Variants in BACH1 observed in about 807,000 individuals in gnomAD.
The protein encoded by BACH1 is transcription regulator protein BACH1.
Under a neutral mutation model 52.9 loss-of-function variants are expected in BACH1, and 35 were observed. The ratio of observed to expected loss-of-function variants is 0.66; its 90% CI spans 0.51 to 0.88. BACH1 has a LOEUF of 0.88. Ranked by LOEUF, BACH1 falls within the 40% of genes least tolerant of loss-of-function variation. The pLI is 0.00. For synonymous variants in BACH1, 321 were observed against 319.6 expected (o/e 1.00, Z -0.05); for missense variants, 808 against 872.6 (o/e 0.93, Z 0.93).
chr21:29,311,706 A>G (rs2088725437), intron 1 of BACH1, among the ~76,000 whole-genome samples: 1 of 152,146 alleles, frequency 6.6e-6, no homozygotes, highest in African/African-American at 2.4e-5. Context: ...CTGCAACTCC[A>G]GCTCTAAACA....
chr21:29,342,502 A>C lies in BACH1; in HGVS notation c.1880A>C (p.Glu627Ala). Reference sequence around the variant, plus strand: ...GGACTTTGCCAGAAAGTTTGTAAAGAAGCAGCTCTGAGTCAAGAACAAATA... The same window carrying C: ...GGACTTTGCCAGAAAGTTTGTAAAGCAGCAGCTCTGAGTCAAGAACAAATA... ...LTGLCQKVCKEAALSQEQIQI... is the reference protein window; with the variant it reads ...LTGLCQKVCKAAALSQEQIQI... Residue 627 changes from glutamate to alanine, a missense_variant, in exon 5 of 5, where the codon GAA becomes GCA. Physicochemically the swap from Glu to Ala is moderately radical, Grantham distance 107. Transcript: ENST00000286800. 1 of 1,614,240 alleles carries C rather than the reference A, an allele frequency of 6.2e-7. No individual in the cohort carries two copies. Among genetic ancestry groups the C allele is most frequent in the Non-Finnish European group, 8.5e-7 (1 of 1,180,040 alleles).
At chr21:29,336,887 GT>G (rs780079388) in intron 4 of BACH1, among the ~76,000 whole-genome samples, 1 of 152,038 alleles carries the variant, frequency 6.6e-6, no homozygotes, top group Non-Finnish European at 1.5e-5. Context: ...GGCCAGCCTG[GT>G]CTCGAACACC....
chr21:29,352,350 G>A (rs534342825), intron 2 of BACH1, among the ~76,000 whole-genome samples: 110 of 152,214 alleles, frequency 7.2e-4, no homozygotes, highest in African/African-American at 2.6e-3. Context: ...CACTGCTCCC[G>A]GCCTAGACCT....
intron 1 of BACH1, among the ~76,000 whole-genome samples, chr21:29,308,888 G>C (rs2088688369): frequency 6.6e-6 from 1 of 152,250 alleles, no homozygotes; most frequent in East Asian, 1.9e-4. Context: ...GATTTAAGTT[G>C]AGCACAGTTT....
chr21:29,348,643 C>G (rs2089184792), downstream of BACH1, among the ~76,000 whole-genome samples: 1 of 152,272 alleles, frequency 6.6e-6, no homozygotes, highest in Middle Eastern at 3.4e-3. Context: ...TACATTTCCC[C>G]TTCCAACAAG....
At chr21:29,338,020 C>A (rs530441214) in intron 4 of BACH1, among the ~76,000 whole-genome samples, 44 of 152,188 alleles carry the variant, frequency 2.9e-4, no homozygotes, top group Non-Finnish European at 5.4e-4. Context: ...ATGTAACAAA[C>A]CTGCACGTTG....
chr21:29,324,212 A>ACAG (rs1292860930), intron 2 of BACH1, among the ~76,000 whole-genome samples: 1 of 148,490 alleles, frequency 6.7e-6, no homozygotes, highest in Non-Finnish European at 1.5e-5. Flanking sequence ...AGCCTGGGTG[A>ACAG]CAGAGAGAGA....
At chr21:29,304,118 G>GT (rs566871344) in intron 1 of BACH1, among the ~76,000 whole-genome samples, 48 of 146,162 alleles carry the variant, frequency 3.3e-4, no homozygotes, top group Middle Eastern at 3.5e-3. Flanking sequence ...GTTATTCCCA[G>GT]TTTTTTTTTT....
rs2123477260 is a variant in BACH1, at chr21:29,342,923, A to G, written c.*90A>G. 1.5e-6 allele frequency: 2 copies of G among 1,293,758 alleles called. No homozygotes were observed. Among genetic ancestry groups the G allele is most frequent in the East Asian group, 2.4e-5 (1 of 41,222 alleles). 80.1% of individuals were successfully genotyped at this position (1,293,758 alleles called of 1,614,324 possible). A position where few individuals can be genotyped will look rare whatever the true frequency, so the allele number is the denominator to read the frequency against. On this transcript the variant is annotated 3_prime_UTR_variant, in exon 5 of 5. Coordinates refer to ENST00000286800, the MANE Select transcript of BACH1 (RefSeq NM_001186.4). Reference sequence around the variant, plus strand: ...CTAATATGACCATCTGTTGCTCAACAATACTGTTTTTTTCCTTTAGTAGTT... The same window carrying G: ...CTAATATGACCATCTGTTGCTCAACGATACTGTTTTTTTCCTTTAGTAGTT...
At position 29,324,186 on chromosome 21, in the gene BACH1, C is replaced by T. The variant is rs146432977; in HGVS notation, c.235-1873C>T. 5.6e-3 allele frequency among the ~76,000 whole-genome samples: 821 copies of T among 146,474 alleles called. 6 individuals are homozygous for T. Among genetic ancestry groups the T allele is most frequent in the African/African-American group, 0.02 (777 of 39,074 alleles). ...AGAATCACTTGCAGTGAGCCAAGAT[C>T]GTGCCGCTGCACTCTAGCCTGGGTG... On this transcript the variant is annotated intron_variant, in intron 2 of 4. Coordinates refer to ENST00000286800, the MANE Select transcript of BACH1 (RefSeq NM_001186.4).
chr21:29,329,196 T>G (rs982531697), intron 3 of BACH1, among the ~76,000 whole-genome samples: 3 of 152,128 alleles, frequency 2.0e-5, no homozygotes, highest in Non-Finnish European at 4.4e-5. Flanking sequence ...TAGTCCCAGC[T>G]ACTTAGGAAG....
At chr21:29,325,850 T>C (rs2123445944) in intron 2 of BACH1, among the ~76,000 whole-genome samples, 1 of 152,308 alleles carries the variant, frequency 6.6e-6, no homozygotes, top group Admixed American at 6.5e-5. Flanking sequence ...CTCTATAAAA[T>C]AGTGTGTGGT....
In BACH1 at chr21:29,303,257, G is replaced by C. The variant is rs181016910; in HGVS notation, c.-61+4304G>C. Among the ~76,000 whole-genome samples, 4 of 152,256 alleles carry C rather than the reference G, an allele frequency of 2.6e-5. 1 individual carries two copies. In the East Asian group the frequency reaches 7.7e-4, roughly 29 times the overall value. On this transcript the variant is annotated intron_variant, in intron 1 of 4. Transcript: ENST00000286800. Reference sequence around the variant, plus strand: ...TATGAATACAATGGACATATTTATCGTATAGCTTTTTGTACCTGTTAGTAA... The same window carrying C: ...TATGAATACAATGGACATATTTATCCTATAGCTTTTTGTACCTGTTAGTAA...
At chr21:29,312,423 A>G (rs2088736350) in intron 1 of BACH1, among the ~76,000 whole-genome samples, 1 of 152,146 alleles carries the variant, frequency 6.6e-6, no homozygotes, top group Admixed American at 6.5e-5. Context: ...CTATTCGGTC[A>G]TTGCAATAAG....
intron 2 of BACH1, among the ~76,000 whole-genome samples, chr21:29,325,500 A>G (rs1366370712): frequency 6.6e-6 from 1 of 152,232 alleles, no homozygotes; most frequent in African/African-American, 2.4e-5. Context: ...AAAAATCTGA[A>G]TCTTTAAAAC....
intron 2 of BACH1, among the ~76,000 whole-genome samples, chr21:29,358,697 A>G (rs1405353109): frequency 6.6e-6 from 1 of 151,672 alleles, no homozygotes; most frequent in Non-Finnish European, 1.5e-5. Flanking sequence ...CTGAGATCAC[A>G]CCACTGCATT....
chr21:29,300,399 C>G (rs2088590324), intron 1 of BACH1, among the ~76,000 whole-genome samples: 1 of 152,080 alleles, frequency 6.6e-6, no homozygotes, highest in South Asian at 2.1e-4. Context: ...TATAAAAGGC[C>G]AAAGAGCGCT....
At chr21:29,332,177 G>A (rs8126573) in intron 4 of BACH1, among the ~76,000 whole-genome samples, 10 of 152,150 alleles carry the variant, frequency 6.6e-5, no homozygotes, top group African/African-American at 2.4e-4. Flanking sequence ...CTCGTGATCC[G>A]CCCGCCTCAG....
At chr21:29,336,107 G>C (rs1026731132) in intron 4 of BACH1, among the ~76,000 whole-genome samples, 4 of 151,944 alleles carry the variant, frequency 2.6e-5, no homozygotes, top group Non-Finnish European at 5.9e-5. Context: ...TACAGTCATC[G>C]TATAATGCAT....
Sources: allele counts gnomAD v4.1 joint callset (sites outside exome capture counted in the v4.1 genomes callset), GRCh38; gene constraint gnomAD v4.1.1; transcripts MANE v1.5; gene names NCBI Gene and HGNC (gene_info 2026-07-23, HGNC 2026-07-21).